The following REV3L variants were observed in gnomAD, a reference collection of about 807,000 sequenced individuals.
The protein encoded by REV3L is DNA polymerase zeta catalytic subunit.
REV3L carries 69 observed loss-of-function variants against 299.4 expected under a neutral mutation model. The observed-to-expected ratio is 0.23, with a 90% CI of 0.19 to 0.28. The LOEUF (loss-of-function observed/expected upper bound fraction) is 0.28, where lower values mean the gene tolerates loss of function less well. REV3L is among the 10% of genes least tolerant of loss of function. The pLI is 1.00. For missense variants in REV3L, 3,128 were observed against 3,693.8 expected, an observed-to-expected ratio of 0.85 and a Z score of 3.97; for synonymous variants, 1,238 against 1,271.4, an observed-to-expected ratio of 0.97 and a Z score of 0.56.
At chr6:111,301,331 G>A (rs1771496912) in intron 31 of REV3L, among the ~76,000 whole-genome samples, 1 of 152,026 alleles carries the variant, frequency 6.6e-6, no homozygotes, top group East Asian at 1.9e-4. Context: ...ATCTCACTCT[G>A]CCTCTTTGCT....
intron 1 of REV3L, among the ~76,000 whole-genome samples, chr6:111,474,776 T>C (rs913127717): frequency 2.0e-5 from 3 of 152,204 alleles, no homozygotes; most frequent in African/African-American, 7.2e-5. Context: ...TTCTTACCAA[T>C]TCCTGTAAGC....
At chr6:111,392,736 CA>C in intron 5 of REV3L, 139 bp downstream of exon 5, 1 of 532,354 alleles carries the variant, frequency 1.9e-6, no homozygotes, top group Non-Finnish European at 3.3e-6. Context: ...ACACTAATGT[CA>C]AGGTTTGTTT....
intron 18 of REV3L, chr6:111,353,584 GAT>G (rs902172364): frequency 3.7e-4 from 56 of 152,140 alleles, no homozygotes; most frequent in Admixed American, 3.2e-3. Flanking sequence ...AGGAGAAAAA[GAT>G]AATAAACATA....
chr6:111,424,993 C>A lies in REV3L; in HGVS notation c.140-8521G>T, dbSNP rs560294631. Reference sequence around the variant, plus strand: ...TAGAAGGCCATAAGCATGTGTAGGGCTATGTACATGCCCAGGAAAGATCTA... The same window carrying A: ...TAGAAGGCCATAAGCATGTGTAGGGATATGTACATGCCCAGGAAAGATCTA... On this transcript the variant is annotated intron_variant, in intron 1 of 31. Transcript: ENST00000368802. Among the ~76,000 whole-genome samples the A allele has an allele frequency of 2.6e-5, 4 of 152,266 alleles. No homozygotes were observed. The East Asian group carries it at 7.7e-4, about 29-fold the overall frequency.
At chr6:111,358,723 C>T in intron 17 of REV3L, 99 bp downstream of exon 17, 1 of 874,256 alleles carries the variant, frequency 1.1e-6, no homozygotes, top group South Asian at 2.2e-5. Context: ...AGAAAAGAGT[C>T]ATCATGCTTG....
At chr6:111,393,003 C>A (rs1195370223) in intron 4 of REV3L, 31 bp from the exon 5 acceptor site, 6 of 1,426,856 alleles carry the variant, frequency 4.2e-6, no homozygotes, top group African/African-American at 2.8e-5. Flanking sequence ...GGAATAAATT[C>A]TACTTTCAAT....
At chr6:111,390,748 T>C (rs568181417) in intron 5 of REV3L, among the ~76,000 whole-genome samples, 5 of 152,246 alleles carry the variant, frequency 3.3e-5, no homozygotes, top group African/African-American at 2.4e-5. Flanking sequence ...AGTGGGATCA[T>C]AGCTAGGAAA....
chr6:111,462,001 A>G (rs182399284), intron 1 of REV3L, among the ~76,000 whole-genome samples: 48 of 152,308 alleles, frequency 3.2e-4, no homozygotes, highest in African/African-American at 1.0e-3. Context: ...TGGATAAACA[A>G]GTAAGCCCAT....
At position 111,375,995 on chromosome 6, in the gene REV3L, G is replaced by C; in HGVS notation, c.2360C>G (p.Pro787Arg). 6.2e-7 allele frequency: 1 copy of C among 1,613,796 alleles called. No homozygotes were observed. The highest frequency in any genetic ancestry group is 1.1e-5 in the South Asian group (1 of 91,046). ...GTGTGCTGCTTGCTGGCTGAGGCTT[G>C]GCTTTTCTGTTTTATGTTCTTGAAA... Reference protein sequence around the residue: ...EEFQEHKTEKPSLSQQAAHYM... With the variant: ...EEFQEHKTEKRSLSQQAAHYM... The change falls in exon 13 of 32, where the codon CCA (proline) becomes CGA (arginine). Residue 787 changes from proline (P) to arginine (R), a missense_variant. Physicochemically the swap from Pro to Arg is moderately radical, Grantham distance 103. Transcript: ENST00000368802.
At chr6:111,399,147 A>C (rs1282685295) in intron 4 of REV3L, among the ~76,000 whole-genome samples, 2 of 152,212 alleles carry the variant, frequency 1.3e-5, no homozygotes, top group South Asian at 4.1e-4. Context: ...AAAACTAATT[A>C]TGAAAATTAT....
Position 111,375,555 on chromosome 6 carries a change from A to T in REV3L, c.2800T>A (p.Ser934Thr). The T allele has an allele frequency of 6.2e-7, 1 of 1,613,572 alleles. No individual in the cohort carries two copies. Residue 934 changes from serine (S) to threonine (T), a missense_variant, in exon 13 of 32, where the codon TCA (serine) becomes ACA (threonine). By Grantham distance (58) the Ser-to-Thr change is moderately conservative. Coordinates refer to ENST00000368802, the MANE Select transcript of REV3L (RefSeq NM_001372078.1). ...KVNYETEDSE[S>T]SFVTHNSKIS... ...TTTGAGTTGTGAGTTACAAAACTTG[A>T]CTCACTGTCTTCAGTCTCATAATTT...
chr6:111,322,956 T>C (rs907902464), intron 25 of REV3L, among the ~76,000 whole-genome samples: 3 of 152,282 alleles, frequency 2.0e-5, no homozygotes, highest in South Asian at 2.1e-4. Flanking sequence ...CTCAGCTACG[T>C]TGGATTCTTG....
rs1779325924 is a variant in REV3L, at chr6:111,367,300, G to A, written c.6488C>T (p.Pro2163Leu). ...GCTTTTTTGTATACCATCTTTTATT[G>A]GCTTTAAGAAGTTCTCAAAAGCCAA... ...PSLAFENFLK[P>L]IKDGIQKSPC... Residue 2163 changes from proline to leucine, a missense_variant, in exon 14 of 32, where the codon CCA (proline) becomes CTA (leucine). Coordinates refer to ENST00000368802, the MANE Select transcript of REV3L (RefSeq NM_001372078.1). 6.2e-7 allele frequency: 1 copy of A among 1,609,114 alleles called. No homozygotes were observed. Among genetic ancestry groups the A allele is most frequent in the Non-Finnish European group, 8.5e-7 (1 of 1,178,740 alleles).
intron 31 of REV3L, among the ~76,000 whole-genome samples, chr6:111,302,395 G>A (rs1225810911): frequency 6.6e-6 from 1 of 152,106 alleles, no homozygotes; most frequent in Non-Finnish European, 1.5e-5. Flanking sequence ...AGCCAGGATG[G>A]AATTACTTGA....
chr6:111,471,331 C>A (rs1384312058), intron 1 of REV3L, among the ~76,000 whole-genome samples: 1 of 151,744 alleles, frequency 6.6e-6, no homozygotes. Flanking sequence ...AAAACATAGC[C>A]AAATTTTTAA....
intron 26 of REV3L, among the ~76,000 whole-genome samples, 174 bp downstream of exon 26, chr6:111,322,395 C>G (rs1215765337): frequency 6.6e-6 from 1 of 152,146 alleles, no homozygotes; most frequent in Non-Finnish European, 1.5e-5. Flanking sequence ...CTGTCTCTTA[C>G]GATCCTATCT....
At chr6:111,331,868 C>G in intron 23 of REV3L, 84 bp from the exon 24 acceptor site, 1 of 849,774 alleles carries the variant, frequency 1.2e-6, no homozygotes, top group East Asian at 2.6e-5. Flanking sequence ...CTTTCTAACT[C>G]CATTAGAAAT....
chr6:111,456,443 G>C (rs1790168230), intron 1 of REV3L, among the ~76,000 whole-genome samples: 1 of 152,276 alleles, frequency 6.6e-6, no homozygotes, highest in African/African-American at 2.4e-5. Flanking sequence ...TGCCAAAAAA[G>C]CAAATGCTTC....
At chr6:111,421,936 CT>C (rs755772324) in intron 1 of REV3L, among the ~76,000 whole-genome samples, 1 of 152,112 alleles carries the variant, frequency 6.6e-6, no homozygotes, top group Non-Finnish European at 1.5e-5. Context: ...TTTACTCCAT[CT>C]TTCTTTTCCC....
Sources: allele counts gnomAD v4.1 joint callset (sites outside exome capture counted in the v4.1 genomes callset), GRCh38; gene constraint gnomAD v4.1.1; transcripts MANE v1.5; gene names NCBI Gene and HGNC (gene_info 2026-07-23, HGNC 2026-07-21).